The following ROBO2 variants were observed in gnomAD, a reference collection of about 807,000 sequenced individuals.
ROBO2 encodes roundabout homolog 2.
ROBO2 carries 53 observed loss-of-function variants against 160.8 expected under a neutral mutation model. The observed-to-expected ratio is 0.33, with a 90% CI of 0.26 to 0.41. The LOEUF (loss-of-function observed/expected upper bound fraction) is 0.41. Among genes scored for constraint, ROBO2 ranks in the 10% least tolerant of loss-of-function variants. The pLI is 1.00. For missense variants in ROBO2, 1,577 were observed against 1,722.4 expected, an observed-to-expected ratio of 0.92 and a Z score of 1.49; for synonymous variants, 664 against 611.7, an observed-to-expected ratio of 1.09 and a Z score of -1.26.
chr3:76,645,533 G>A (rs1349927103), intron 2 of ROBO2, among the ~76,000 whole-genome samples: 1 of 152,134 alleles, frequency 6.6e-6, no homozygotes, highest in African/African-American at 2.4e-5. Flanking sequence ...CTATATGAAT[G>A]TAAGTGTTAT....
chr3:77,098,112 G>C (rs930208969), exon 2 of ROBO2: 1 of 1,614,150 alleles, frequency 6.2e-7, no homozygotes, highest in South Asian at 1.1e-5. Context: ...GAACTGCAAG[G>C]CGGAGGGCCG....
intron 2 of ROBO2, among the ~76,000 whole-genome samples, chr3:77,450,162 A>G (rs1399754333): frequency 1.3e-5 from 2 of 152,140 alleles, no homozygotes; most frequent in Non-Finnish European, 2.9e-5. Flanking sequence ...GAATAATTGC[A>G]TATTTGAGTC....
At chr3:77,094,972 C>A (rs968108886) in intron 1 of ROBO2, among the ~76,000 whole-genome samples, 1 of 151,906 alleles carries the variant, frequency 6.6e-6, no homozygotes, top group Non-Finnish European at 1.5e-5. Context: ...GATTATTTTT[C>A]TGATTCTGTG....
chr3:77,255,966 C>T (rs1353130716), intron 2 of ROBO2, among the ~76,000 whole-genome samples: 1 of 152,140 alleles, frequency 6.6e-6, no homozygotes. Flanking sequence ...TCCGCTTATA[C>T]ACCAGTTGTG....
At chr3:76,238,744 A>G (rs979511808) in intron 2 of ROBO2, among the ~76,000 whole-genome samples, 6 of 151,858 alleles carry the variant, frequency 4.0e-5, no homozygotes, top group Non-Finnish European at 7.4e-5. Context: ...TGAGAAGAAC[A>G]TGAGGAAAAC....
intron 2 of ROBO2, among the ~76,000 whole-genome samples, chr3:76,628,951 C>G (rs2089848580): frequency 6.8e-6 from 1 of 147,544 alleles, no homozygotes; most frequent in Admixed American, 6.8e-5. Context: ...TACGTTGGTA[C>G]TCATCATTCC....
intron 2 of ROBO2, among the ~76,000 whole-genome samples, chr3:76,358,960 C>T (rs1037824137): frequency 8.1e-6 from 1 of 123,540 alleles, no homozygotes; most frequent in African/African-American, 3.1e-5. Flanking sequence ...GTGTGATGTT[C>T]CCCTTCCTGA....
At chr3:76,061,844 G>A (rs778209293) in intron 2 of ROBO2, among the ~76,000 whole-genome samples, 2 of 151,994 alleles carry the variant, frequency 1.3e-5, no homozygotes, top group East Asian at 1.9e-4. Flanking sequence ...GGCTCTAGAC[G>A]GTCCATTTCC....
chr3:77,025,325 A>G (rs1436842865), intron 2 of ROBO2, among the ~76,000 whole-genome samples: 1 of 152,178 alleles, frequency 6.6e-6, no homozygotes, highest in East Asian at 1.9e-4. Flanking sequence ...GGGTTCTGTT[A>G]ACCATTTTGA....
Position 76,130,507 on chromosome 3 carries a change from C to T in ROBO2, c.109+192905C>T, listed in dbSNP as rs371374406. On this transcript the variant is annotated intron_variant, in intron 2 of 26. Coordinates refer to the ROBO2 transcript ENST00000487694. The stretch of plus-strand genomic sequence containing the variant: ...ATAAATTTACAGAACTTAGTGTATA[C>T]ATGTACGCATACACTCACACACATA... 2.6e-5 allele frequency among the ~76,000 whole-genome samples: 4 copies of T among 152,144 alleles called. No individual in the cohort carries two copies. The South Asian group carries it at 8.3e-4, about 32-fold the overall frequency.
At chr3:77,503,135 C>T (rs935722395) in intron 5 of ROBO2, among the ~76,000 whole-genome samples, 7 of 152,096 alleles carry the variant, frequency 4.6e-5, no homozygotes, top group Admixed American at 2.0e-4. Flanking sequence ...CCATTCTCTA[C>T]GATGTGCTTA....
intron 2 of ROBO2, among the ~76,000 whole-genome samples, chr3:76,059,172 G>A (rs1409411856): frequency 4.6e-5 from 7 of 151,586 alleles, no homozygotes; most frequent in Non-Finnish European, 1.0e-4. Context: ...CCCAGTAATG[G>A]GATGGCTGGG....
At chr3:76,343,034 G>A (rs978873207) in intron 2 of ROBO2, among the ~76,000 whole-genome samples, 10 of 151,832 alleles carry the variant, frequency 6.6e-5, no homozygotes, top group African/African-American at 2.2e-4. Flanking sequence ...GTAATCAAAT[G>A]TTCCAAAGAC....
chr3:76,815,996 G>A (rs1214893838), intron 2 of ROBO2, among the ~76,000 whole-genome samples: 3 of 152,086 alleles, frequency 2.0e-5, no homozygotes, highest in Non-Finnish European at 4.4e-5. Context: ...TCCACAAAGT[G>A]CCTTTCAAAA....
intron 2 of ROBO2, among the ~76,000 whole-genome samples, chr3:76,220,435 A>T (rs1703889952): frequency 6.6e-6 from 1 of 152,046 alleles, no homozygotes; most frequent in African/African-American, 2.4e-5. Flanking sequence ...CGATCCTCAC[A>T]CAGGGATTAG....
intron 2 of ROBO2, among the ~76,000 whole-genome samples, chr3:77,315,605 C>A (rs2063910950): frequency 6.6e-6 from 1 of 152,160 alleles, no homozygotes; most frequent in Non-Finnish European, 1.5e-5. Flanking sequence ...TTTTATTCAA[C>A]TGCTAGTGAA....
chr3:76,966,710 G>A (rs1253544964), intron 2 of ROBO2, among the ~76,000 whole-genome samples: 1 of 152,158 alleles, frequency 6.6e-6, no homozygotes, highest in Non-Finnish European at 1.5e-5. Context: ...TGCAATCATT[G>A]CTATTCTCAC....
At chr3:77,282,010 C>T (rs1014329268) in intron 2 of ROBO2, among the ~76,000 whole-genome samples, 1 of 152,092 alleles carries the variant, frequency 6.6e-6, no homozygotes, top group African/African-American at 2.4e-5. Flanking sequence ...GGCTGTGGAC[C>T]CCTGCTTGAA....
At chr3:76,497,862 TCCAGCATTC>T (rs1217606358) in intron 2 of ROBO2, among the ~76,000 whole-genome samples, 1 of 151,988 alleles carries the variant, frequency 6.6e-6, no homozygotes, top group Admixed American at 6.6e-5. Flanking sequence ...TCCCAGCATT[TCCAGCATTC>T]CCAGCATTTC....
Sources: allele counts gnomAD v4.1 joint callset (sites outside exome capture counted in the v4.1 genomes callset), GRCh38; gene constraint gnomAD v4.1.1; transcripts MANE v1.5; gene names NCBI Gene and HGNC (gene_info 2026-07-23, HGNC 2026-07-21).